The following ACBD6 variants were observed in gnomAD, a reference collection of about 807,000 sequenced individuals.
The protein encoded by ACBD6 is acyl-CoA binding domain containing 6.
In ACBD6, 28 loss-of-function variants were observed where a neutral mutation model predicts 37.2. The observed-to-expected ratio is 0.75, with a 90% CI of 0.56 to 1.03. The LOEUF is 1.03. ACBD6 is among the 50% of genes least tolerant of loss of function. ACBD6 has a pLI of 0.00. For synonymous variants in ACBD6, 113 were observed against 126.8 expected (o/e 0.89, Z 0.73); for missense variants, 340 against 337.4 (o/e 1.01, Z -0.06).
chr1:180,372,009 C>T (rs1367389800), intron 6 of ACBD6, among the ~76,000 whole-genome samples: 1 of 152,010 alleles, frequency 6.6e-6, no homozygotes, highest in African/African-American at 2.4e-5. Context: ...ACCTGAGTGG[C>T]AATAATGTTA....
chr1:180,334,512 C>T (rs535048230), intron 6 of ACBD6, among the ~76,000 whole-genome samples: 5 of 152,164 alleles, frequency 3.3e-5, no homozygotes, highest in African/African-American at 7.2e-5. Flanking sequence ...CCCATCTGTA[C>T]GTCACCATCA....
intron 3 of ACBD6, chr1:180,435,449 T>G: frequency 2.1e-6 from 1 of 472,178 alleles, no homozygotes; most frequent in Non-Finnish European, 3.8e-6. Flanking sequence ...GAGACGGGGT[T>G]TCACCGTTAG....
At chr1:180,485,702 G>A (rs1167116738) in intron 3 of ACBD6, among the ~76,000 whole-genome samples, 1 of 152,146 alleles carries the variant, frequency 6.6e-6, no homozygotes, top group Admixed American at 6.5e-5. Context: ...CAATGTGCTC[G>A]TCTGTGGTAC....
intron 3 of ACBD6, among the ~76,000 whole-genome samples, chr1:180,480,923 C>T (rs1651011132): frequency 6.6e-6 from 1 of 151,618 alleles, no homozygotes; most frequent in Admixed American, 6.6e-5. Flanking sequence ...CCCAGCTATC[C>T]AGGAGGCTGA....
At chr1:180,334,839 A>G (rs1309998317) in intron 6 of ACBD6, among the ~76,000 whole-genome samples, 5 of 152,222 alleles carry the variant, frequency 3.3e-5, no homozygotes, top group African/African-American at 1.2e-4. Context: ...GCTGAAAACC[A>G]TGGCACGAGA....
chr1:180,382,876 G>A (rs1025145331), intron 6 of ACBD6, among the ~76,000 whole-genome samples: 2 of 152,216 alleles, frequency 1.3e-5, no homozygotes, highest in Non-Finnish European at 2.9e-5. Context: ...TCCCAGGGAT[G>A]TAAGGATGGT....
intron 5 of ACBD6, among the ~76,000 whole-genome samples, chr1:180,407,591 A>G (rs990497642): frequency 2.0e-5 from 3 of 152,226 alleles, no homozygotes; most frequent in African/African-American, 7.2e-5. Flanking sequence ...AGGCCAAATG[A>G]CAACTGCTTA....
chr1:180,409,456 C>G (rs1647765993), intron 5 of ACBD6, among the ~76,000 whole-genome samples: 1 of 152,106 alleles, frequency 6.6e-6, no homozygotes, highest in South Asian at 2.1e-4. Context: ...TTGTAGCAAC[C>G]CTGAGTTAAG....
At chr1:180,492,771 T>C (rs1271889019) in intron 2 of ACBD6, among the ~76,000 whole-genome samples, 2 of 152,178 alleles carry the variant, frequency 1.3e-5, no homozygotes, top group East Asian at 1.9e-4. Flanking sequence ...CTTATGGCAT[T>C]TTGGTCGTAC....
chr1:180,426,655 A>G (rs1399086682), intron 4 of ACBD6, among the ~76,000 whole-genome samples: 2 of 152,208 alleles, frequency 1.3e-5, no homozygotes, highest in Non-Finnish European at 2.9e-5. Context: ...ATGTTATTGT[A>G]GCTCCTAACA....
chr1:180,352,445 C>T (rs1036892840), intron 6 of ACBD6, among the ~76,000 whole-genome samples: 1 of 152,008 alleles, frequency 6.6e-6, no homozygotes, highest in Non-Finnish European at 1.5e-5. Flanking sequence ...TCGCCTCAGC[C>T]TCCGAAAAGC....
intron 3 of ACBD6, among the ~76,000 whole-genome samples, chr1:180,482,690 G>A (rs1435411260): frequency 6.6e-6 from 1 of 152,014 alleles, no homozygotes; most frequent in Non-Finnish European, 1.5e-5. Context: ...AAAGAGAAGT[G>A]GAATTGCAGA....
intron 3 of ACBD6, among the ~76,000 whole-genome samples, chr1:180,486,528 A>G (rs1210106139): frequency 6.6e-6 from 1 of 152,234 alleles, no homozygotes; most frequent in Non-Finnish European, 1.5e-5. Flanking sequence ...AAATGGGAGG[A>G]AAGTTCTCAA....
At chr1:180,383,937 A>G (rs1653751859) in intron 6 of ACBD6, among the ~76,000 whole-genome samples, 1 of 152,186 alleles carries the variant, frequency 6.6e-6, no homozygotes, top group Non-Finnish European at 1.5e-5. Context: ...ATCCTTTTCA[A>G]TAAATGGTGC....
chr1:180,404,863 C>T (rs1203984563), intron 5 of ACBD6, among the ~76,000 whole-genome samples: 2 of 152,070 alleles, frequency 1.3e-5, no homozygotes, highest in Non-Finnish European at 2.9e-5. Flanking sequence ...AAATAAGTTG[C>T]CAAAGCTCAT....
intron 3 of ACBD6, among the ~76,000 whole-genome samples, chr1:180,439,589 C>CAA (rs113267124): frequency 1.5e-5 from 2 of 132,168 alleles, no homozygotes; most frequent in African/African-American, 2.8e-5. Flanking sequence ...GACTCCGTCT[C>CAA]AAAAAAAAAA....
At chr1:180,307,954 C>T (rs993697006) in intron 7 of ACBD6, among the ~76,000 whole-genome samples, 4 of 152,152 alleles carry the variant, frequency 2.6e-5, no homozygotes, top group African/African-American at 9.7e-5. Flanking sequence ...GACTCTGTCT[C>T]AAAAAACAAA....
intron 3 of ACBD6, among the ~76,000 whole-genome samples, chr1:180,472,420 C>G (rs578145313): frequency 6.6e-6 from 1 of 152,274 alleles, no homozygotes; most frequent in South Asian, 2.1e-4. Flanking sequence ...CCTGGAAACT[C>G]TGGATAATAA....
chr1:180,467,773 G>C (rs1395253814), intron 3 of ACBD6, among the ~76,000 whole-genome samples: 1 of 152,082 alleles, frequency 6.6e-6, no homozygotes, highest in Non-Finnish European at 1.5e-5. Context: ...TTGCTGGATA[G>C]TATTTCACTG....
Sources: gnomAD v4.1 joint callset for allele counts (sites outside exome capture counted in the v4.1 genomes callset) on GRCh38, gnomAD v4.1.1 for gene constraint, MANE v1.5 for transcripts, NCBI Gene and HGNC (gene_info 2026-07-23, HGNC 2026-07-21) for gene names.